Variants in SIPA1L1 observed in about 807,000 individuals in gnomAD.
SIPA1L1 encodes signal-induced proliferation-associated 1-like protein 1.
In SIPA1L1, 26 loss-of-function variants were observed where a neutral mutation model predicts 162.7. The ratio of observed to expected loss-of-function variants is 0.16; its 90% confidence interval spans 0.12 to 0.22. The LOEUF (loss-of-function observed/expected upper bound fraction) is 0.22, where lower values mean the gene tolerates loss of function less well. SIPA1L1 is among the 10% of genes least tolerant of loss of function. The pLI is 1.00. For synonymous variants in SIPA1L1, 829 were observed against 837.4 expected (o/e 0.99, Z 0.17); for missense variants, 1,874 against 2,241.0 (o/e 0.84, Z 3.31).
intron 2 of SIPA1L1, among the ~76,000 whole-genome samples, chr14:71,442,784 A>T (rs1034783545): frequency 1.8e-4 from 28 of 152,172 alleles, no homozygotes; most frequent in African/African-American, 5.8e-4. Context: ...AATAAAATAA[A>T]AATTAGCCAA....
chr14:71,328,174 A>G (rs758066330), intron 2 of SIPA1L1, among the ~76,000 whole-genome samples: 36 of 152,238 alleles, frequency 2.4e-4, no homozygotes, highest in Non-Finnish European at 8.8e-5. Context: ...TAACAAAATA[A>G]TGTTTCAGTA....
chr14:71,509,415 A>G (rs2050932680), intron 2 of SIPA1L1, among the ~76,000 whole-genome samples: 1 of 152,204 alleles, frequency 6.6e-6, no homozygotes, highest in Admixed American at 6.5e-5. Context: ...TGCATGGCAG[A>G]ACAATTGTTT....
chr14:71,702,232 C>G, intron 14 of SIPA1L1, 149 bp from the exon 15 acceptor site: 2 of 746,720 alleles, frequency 2.7e-6, no homozygotes, highest in Admixed American at 5.2e-5. Context: ...CCCACGTAAA[C>G]ACGAACCAGG....
chr14:71,682,060 C>T (rs915547070), intron 12 of SIPA1L1, among the ~76,000 whole-genome samples: 4 of 152,156 alleles, frequency 2.6e-5, no homozygotes, highest in African/African-American at 9.7e-5. Context: ...ACAGTCTTAC[C>T]TACATAGTAT....
chr14:71,588,892 A>G lies in SIPA1L1; in HGVS notation c.1020A>G (p.Leu340=). 6.2e-7 allele frequency: 1 copy of G among 1,614,116 alleles called. No individual in the cohort carries two copies. The highest frequency in any genetic ancestry group is 8.5e-7 in the Non-Finnish European group (1 of 1,179,986). The part of the protein sequence containing the change: ...CFAHYDVQSI[L]FDLNEAIMNR... Reference sequence around the variant, plus strand: ...CCCACTATGATGTCCAGAGTATATTATTTGATTTGAATGAGGCAATTATGA... The same window carrying G: ...CCCACTATGATGTCCAGAGTATATTGTTTGATTTGAATGAGGCAATTATGA... Residue 340 remains leucine (L), a synonymous_variant, in exon 5 of 24, where the codon TTA becomes TTG. Coordinates refer to ENST00000381232, the MANE Select transcript of SIPA1L1 (RefSeq NM_001386936.1). The surrounding 1 kb of genome is among the most constrained non-coding windows in gnomAD (Gnocchi z 4.3).
chr14:71,439,021 C>G (rs1307607741), intron 2 of SIPA1L1, among the ~76,000 whole-genome samples: 1 of 151,846 alleles, frequency 6.6e-6, no homozygotes, highest in Non-Finnish European at 1.5e-5. Context: ...TTTGATTTAA[C>G]TAATGTGGTT....
intron 2 of SIPA1L1, among the ~76,000 whole-genome samples, chr14:71,384,186 C>G (rs567082174): frequency 6.6e-6 from 1 of 152,116 alleles, no homozygotes; most frequent in South Asian, 2.1e-4. Context: ...ATAAGTCCAA[C>G]GGAATGAAAG....
chr14:71,348,281 C>T (rs1159539278), intron 2 of SIPA1L1, among the ~76,000 whole-genome samples: 3 of 152,120 alleles, frequency 2.0e-5, no homozygotes, highest in Non-Finnish European at 4.4e-5. Flanking sequence ...CTCCTGCACC[C>T]CAAAGATAAC....
At chr14:71,619,717 A>G (rs1215606404) in intron 6 of SIPA1L1, among the ~76,000 whole-genome samples, 2 of 152,162 alleles carry the variant, frequency 1.3e-5, no homozygotes, top group Admixed American at 6.5e-5. Context: ...CTAGAAAATA[A>G]TGGTTTTGAA....
chr14:71,504,527 T>TA (rs1193625637), intron 2 of SIPA1L1, among the ~76,000 whole-genome samples: 1 of 152,194 alleles, frequency 6.6e-6, no homozygotes, highest in East Asian at 1.9e-4. Context: ...AGATACCATA[T>TA]TTTTAAAAAT....
At chr14:71,722,955 C>T (rs190321781) in intron 17 of SIPA1L1, among the ~76,000 whole-genome samples, 100 of 152,322 alleles carry the variant, frequency 6.6e-4, no homozygotes, top group Non-Finnish European at 1.2e-3. Flanking sequence ...AGGCTGGTTT[C>T]GAACTCATGA....
intron 2 of SIPA1L1, among the ~76,000 whole-genome samples, chr14:71,484,170 A>G (rs2048567756): frequency 6.6e-6 from 1 of 152,064 alleles, no homozygotes; most frequent in Admixed American, 6.6e-5. Flanking sequence ...GTGAGTTCTC[A>G]TCACTACAGG....
chr14:71,714,033 G>A (rs1178464589), intron 17 of SIPA1L1, among the ~76,000 whole-genome samples: 2 of 152,138 alleles, frequency 1.3e-5, no homozygotes, highest in Non-Finnish European at 2.9e-5. Context: ...AAGAGATGTG[G>A]TTGACTCTAT....
At chr14:71,324,182 A>C (rs2033507369) in intron 2 of SIPA1L1, among the ~76,000 whole-genome samples, 1 of 152,202 alleles carries the variant, frequency 6.6e-6, no homozygotes, top group Non-Finnish European at 1.5e-5. Context: ...TCTTATTTGT[A>C]ATAGGGTTTT....
chr14:71,479,834 C>T (rs1390414981), intron 2 of SIPA1L1, among the ~76,000 whole-genome samples: 1 of 152,168 alleles, frequency 6.6e-6, no homozygotes, highest in East Asian at 1.9e-4. Flanking sequence ...TAAAGGTATC[C>T]TCTTGTCTCT....
At chr14:71,677,012 T>C (rs929120715) in intron 12 of SIPA1L1, among the ~76,000 whole-genome samples, 1 of 152,178 alleles carries the variant, frequency 6.6e-6, no homozygotes, top group East Asian at 1.9e-4. Flanking sequence ...GTCTGGGAAA[T>C]GGTATTTCTA....
At chr14:71,675,659 T>C (rs1457290159) in intron 12 of SIPA1L1, among the ~76,000 whole-genome samples, 1 of 152,248 alleles carries the variant, frequency 6.6e-6, no homozygotes, top group East Asian at 1.9e-4. Flanking sequence ...AACTAATTAC[T>C]CTGTTCTTTG....
intron 3 of SIPA1L1, among the ~76,000 whole-genome samples, chr14:71,524,495 TCATTCTCATTCTC>T (rs1459794203): frequency 1.3e-5 from 2 of 152,258 alleles, no homozygotes; most frequent in Non-Finnish European, 2.9e-5. Context: ...ACATGCCACT[TCATTCTCATTCTC>T]CATTCTCATT....
intron 2 of SIPA1L1, among the ~76,000 whole-genome samples, chr14:71,432,470 A>G (rs757664269): frequency 2.6e-5 from 4 of 152,228 alleles, no homozygotes; most frequent in South Asian, 2.1e-4. Flanking sequence ...ACAACCTACA[A>G]TCACACAAGG....
Sources: allele counts gnomAD v4.1 joint callset (sites outside exome capture counted in the v4.1 genomes callset), GRCh38; gene constraint gnomAD v4.1.1; non-coding constraint Gnocchi (gnomAD v3.1); transcripts MANE v1.5; gene names NCBI Gene and HGNC (gene_info 2026-07-23, HGNC 2026-07-21).